Variants in INPP4B observed in about 807,000 individuals in gnomAD.
The protein encoded by INPP4B is inositol polyphosphate-4-phosphatase type II B.
INPP4B carries 55 observed loss-of-function variants against 122.5 expected under a neutral mutation model. That is an observed-to-expected ratio of 0.45 (90% CI 0.36 to 0.56). The LOEUF (loss-of-function observed/expected upper bound fraction) is 0.56, where lower values mean the gene tolerates loss of function less well. INPP4B is among the 20% of genes least tolerant of loss of function. The probability of loss-of-function intolerance (pLI) is 0.00; values close to 1 mark genes in which losing one functional copy is unlikely to be tolerated. For synonymous variants in INPP4B, 403 were observed against 388.7 expected (o/e 1.04, Z -0.43); for missense variants, 1,000 against 1,097.7 (o/e 0.91, Z 1.26).
chr4:142,093,353 C>T (rs1483831514), intron 23 of INPP4B, among the ~76,000 whole-genome samples: 8 of 152,102 alleles, frequency 5.3e-5, no homozygotes, highest in Non-Finnish European at 1.2e-4. Flanking sequence ...CTTTCTGATA[C>T]CTAACCCACA....
At chr4:142,231,976 A>G (rs1265926790) in intron 12 of INPP4B, among the ~76,000 whole-genome samples, 1 of 152,174 alleles carries the variant, frequency 6.6e-6, no homozygotes, top group Non-Finnish European at 1.5e-5. Flanking sequence ...TTTTGTCAAT[A>G]AAGTTTTATT....
chr4:142,060,950 A>C (rs150574344), intron 25 of INPP4B, among the ~76,000 whole-genome samples: 190 of 152,312 alleles, frequency 1.2e-3, no homozygotes, highest in African/African-American at 4.4e-3. Flanking sequence ...AAAGAGTATT[A>C]AAATGAAGAC....
chr4:142,792,575 A>T (rs1033224139), intron 1 of INPP4B, among the ~76,000 whole-genome samples: 4 of 152,028 alleles, frequency 2.6e-5, no homozygotes, highest in Admixed American at 2.0e-4. Flanking sequence ...CTCTAAGGTG[A>T]GTCTAAACAG....
At chr4:142,162,925 G>A (rs972589332) in intron 16 of INPP4B, among the ~76,000 whole-genome samples, 1 of 151,810 alleles carries the variant, frequency 6.6e-6, no homozygotes, top group African/African-American at 2.4e-5. Context: ...CCTGTGTAGA[G>A]AATCACATTT....
At chr4:142,536,454 TC>T (rs1410974086) in intron 2 of INPP4B, among the ~76,000 whole-genome samples, 3 of 152,068 alleles carry the variant, frequency 2.0e-5, no homozygotes, top group Non-Finnish European at 4.4e-5. Flanking sequence ...CACCTGAAAA[TC>T]AACAAAAGGC....
intron 1 of INPP4B, among the ~76,000 whole-genome samples, chr4:142,754,122 A>C (rs1020078691): frequency 6.6e-6 from 1 of 152,024 alleles, no homozygotes; most frequent in Non-Finnish European, 1.5e-5. Flanking sequence ...CTTGTTTCCA[A>C]ACTTGCTGAT....
At chr4:142,320,520 G>A (rs1324953447) in intron 7 of INPP4B, among the ~76,000 whole-genome samples, 1 of 152,066 alleles carries the variant, frequency 6.6e-6, no homozygotes, top group East Asian at 1.9e-4. Flanking sequence ...ATTTTAATAG[G>A]TTTTGGAAGA....
chr4:142,084,115 T>C (rs977621911), intron 24 of INPP4B, among the ~76,000 whole-genome samples: 4 of 150,912 alleles, frequency 2.7e-5, no homozygotes, highest in Non-Finnish European at 4.5e-5. Context: ...CAAATGACTT[T>C]ATTTTTATTT....
intron 1 of INPP4B, among the ~76,000 whole-genome samples, chr4:142,755,838 CG>C (rs1770428273): frequency 6.6e-6 from 1 of 151,876 alleles, no homozygotes; most frequent in South Asian, 2.1e-4. Context: ...AAATAGAAAA[CG>C]TTTTTGAGCT....
chr4:142,108,926 T>C (rs1277146139), intron 22 of INPP4B, among the ~76,000 whole-genome samples: 1 of 152,168 alleles, frequency 6.6e-6, no homozygotes, highest in Non-Finnish European at 1.5e-5. Context: ...TATTTCTAGG[T>C]GTGAATAGAA....
intron 5 of INPP4B, chr4:142,427,617 TG>T (rs1808389392): frequency 2.5e-6 from 1 of 400,696 alleles, no homozygotes; most frequent in South Asian, 7.9e-5. Context: ...TGCCATTTCT[TG>T]AAGGCTGGCC....
chr4:142,762,043 T>C (rs1771417098), intron 1 of INPP4B, among the ~76,000 whole-genome samples: 1 of 151,978 alleles, frequency 6.6e-6, no homozygotes, highest in Non-Finnish European at 1.5e-5. Flanking sequence ...GGCCATGGCT[T>C]GGAGTTGACT....
At chr4:142,551,923 G>A (rs888669217) in intron 2 of INPP4B, among the ~76,000 whole-genome samples, 1 of 152,122 alleles carries the variant, frequency 6.6e-6, no homozygotes, top group African/African-American at 2.4e-5. Flanking sequence ...GTCCTGTTGT[G>A]GTTCATTTGA....
chr4:142,626,817 T>C (rs906730041), intron 2 of INPP4B, among the ~76,000 whole-genome samples: 8 of 152,092 alleles, frequency 5.3e-5, no homozygotes, highest in African/African-American at 1.9e-4. Context: ...TTGTTCTTAA[T>C]ACTTACTGAA....
chr4:142,744,227 G>A (rs1260714153), intron 1 of INPP4B, among the ~76,000 whole-genome samples: 8 of 151,886 alleles, frequency 5.3e-5, no homozygotes, highest in Non-Finnish European at 8.8e-5. Context: ...TAGTAGAAGA[G>A]TCAGTGAGGT....
intron 11 of INPP4B, among the ~76,000 whole-genome samples, chr4:142,244,805 C>T (rs1579420529): frequency 6.6e-6 from 1 of 152,176 alleles, no homozygotes; most frequent in South Asian, 2.1e-4. Context: ...AATCTCCACA[C>T]TGTCTTCTAA....
At chr4:142,762,045 G>A (rs1771418005) in intron 1 of INPP4B, among the ~76,000 whole-genome samples, 1 of 151,914 alleles carries the variant, frequency 6.6e-6, no homozygotes, top group Non-Finnish European at 1.5e-5. Flanking sequence ...CCATGGCTTG[G>A]AGTTGACTGA....
At chr4:142,366,677 C>T (rs908643274) in intron 7 of INPP4B, among the ~76,000 whole-genome samples, 5 of 152,086 alleles carry the variant, frequency 3.3e-5, no homozygotes, top group Admixed American at 1.3e-4. Flanking sequence ...TTTCTTACAG[C>T]ATCTTACAGG....
At chr4:142,514,774 C>T (rs1167558135) in intron 2 of INPP4B, among the ~76,000 whole-genome samples, 1 of 150,716 alleles carries the variant, frequency 6.6e-6, no homozygotes, top group Admixed American at 6.6e-5. Flanking sequence ...CTGCCATCCC[C>T]TGCACACACC....
Sources: gnomAD v4.1 joint callset for allele counts (sites outside exome capture counted in the v4.1 genomes callset) on GRCh38, gnomAD v4.1.1 for gene constraint, MANE v1.5 for transcripts, NCBI Gene and HGNC (gene_info 2026-07-23, HGNC 2026-07-21) for gene names.